The following SNIP1 variants were observed in gnomAD, a reference collection of about 807,000 sequenced individuals.
The protein encoded by SNIP1 is Smad nuclear interacting protein 1.
A neutral mutation model predicts 37.4 loss-of-function variants in SNIP1; 23 were observed. That is an observed-to-expected ratio of 0.61 (90% CI 0.44 to 0.87). The LOEUF (loss-of-function observed/expected upper bound fraction) is 0.87, where lower values mean the gene tolerates loss of function less well. SNIP1 is among the 40% of genes least tolerant of loss of function. SNIP1 has a pLI of 0.00. For missense variants in SNIP1, 459 were observed against 540.4 expected (o/e 0.85, Z 1.49); for synonymous variants, 174 against 200.0 (o/e 0.87, Z 1.10).
chr1:37,539,032 G>T (rs1643135097), intron 3 of SNIP1, among the ~76,000 whole-genome samples: 1 of 152,110 alleles, frequency 6.6e-6, no homozygotes, highest in Admixed American at 6.6e-5. Flanking sequence ...CTCCTTACGA[G>T]AATCTAATGC....
In SNIP1 at chr1:37,540,832, G is replaced by T. The variant is rs1441700157; in HGVS notation, c.328-77C>A. The T allele has an allele frequency of 1.0e-5, 14 of 1,370,206 alleles. No homozygotes were observed. Among genetic ancestry groups the T allele is most frequent in the Non-Finnish European group, 1.4e-5 (14 of 1,017,730 alleles). 84.9% of individuals were successfully genotyped at this position (1,370,206 alleles called of 1,614,324 possible). A position where few individuals can be genotyped will look rare whatever the true frequency, so the allele number is the denominator to read the frequency against. On this transcript the variant is annotated intron_variant, in intron 2 of 3. Transcript: ENST00000296215. The surrounding 1 kb of genome is among the most constrained non-coding windows in gnomAD (Gnocchi z 5.6). ...AGCCCAAATCTTGTTCTTTTTGAAC[G>T]AAGTGCATGCAAAAAGTCTTGTAAT... is the stretch of plus-strand genomic sequence containing the variant.
rs1289459568 is a variant in SNIP1 at position 37,536,207 on chromosome 1, C to G, written c.*1541G>C. The G allele has an allele frequency of 6.6e-6, 1 of 152,214 alleles. No individual in the cohort carries two copies. The highest frequency in any genetic ancestry group is 6.5e-5 in the Admixed American group (1 of 15,280). The allele number at this position is 152,214 out of a possible 1,614,324, so 9.4% of individuals were successfully genotyped here. A position where few individuals can be genotyped will look rare whatever the true frequency, so the allele number is the denominator to read the frequency against. ...CTGAATGAACATTAGTCAGCTGCCC[C>G]TCCCACTAGCCAATCTTTAGCCCTG... On this transcript the variant is annotated 3_prime_UTR_variant, in exon 4 of 4. Coordinates refer to ENST00000296215, the MANE Select transcript of SNIP1 (RefSeq NM_024700.4).
At position 37,554,154 on chromosome 1, in the gene SNIP1, C is replaced by T; in HGVS notation, c.76G>A (p.Gly26Arg). ...HRDGDVVLPA[G>R]VVVKQERLSP... ...AGACGCTCCTGCTTCACCACCACCC[C>T]CGCCGGCAGCACCACGTCCCCGTCC... The change falls in exon 1 of 4, where the codon GGG (glycine) becomes AGG (arginine). Residue 26 changes from glycine (G) to arginine (R), a missense_variant. Physicochemically the swap from Gly to Arg is moderately radical, Grantham distance 125. Coordinates refer to ENST00000296215, the MANE Select transcript of SNIP1 (RefSeq NM_024700.4). 1 of 1,612,830 alleles carries T rather than the reference C, an allele frequency of 6.2e-7. No individual in the cohort carries two copies. The highest frequency in any genetic ancestry group is 1.1e-5 in the South Asian group (1 of 90,996).
At chr1:37,543,627 G>A (rs758073038) in intron 2 of SNIP1, among the ~76,000 whole-genome samples, 9 of 151,922 alleles carry the variant, frequency 5.9e-5, no homozygotes, top group Non-Finnish European at 1.2e-4. Context: ...GCTACTTGGA[G>A]AGATGTTCCC....
rs568958461 is a variant in SNIP1, at chr1:37,538,868, C to T, written c.927-856G>A. ...GGTGAGCAGCGGGCAAGCAGGCAAG[C>T]GAGCCAAACTTCATCTATATTTTCA... On this transcript the variant is annotated intron_variant, in intron 3 of 3. Transcript: ENST00000296215. 4.6e-4 allele frequency among the ~76,000 whole-genome samples: 70 copies of T among 152,188 alleles called. 1 individual carries two copies. Among genetic ancestry groups the T allele is most frequent in the Middle Eastern group, 3.4e-3 (1 of 294 alleles).
rs751582496 is a variant in SNIP1, at chr1:37,540,220, C to T, written c.863G>A (p.Arg288His). The change falls in exon 3 of 4, where the codon CGC (arginine) becomes CAC (histidine). Residue 288 changes from arginine to histidine, a missense_variant. Coordinates refer to ENST00000296215, the MANE Select transcript of SNIP1 (RefSeq NM_024700.4). This position sits in a 1 kb window ranked among gnomAD's most constrained non-coding sequence, Gnocchi z 5.6. ...GTGATCAATTGGAATGTCTGCAATG[C>T]GGCGGTGTCGACCCAGTAGGTACGC... ...QSAYLLGRHR[R>H]IADIPIDHPS... 3.1e-6 allele frequency: 5 copies of T among 1,611,248 alleles called. No individual in the cohort carries two copies. The highest frequency in any genetic ancestry group is 4.2e-6 in the Non-Finnish European group (5 of 1,177,606).
chr1:37,551,860 C>T (rs1477278481), intron 2 of SNIP1, among the ~76,000 whole-genome samples: 1 of 152,190 alleles, frequency 6.6e-6, no homozygotes, highest in African/African-American at 2.4e-5. Context: ...AACTACCGTA[C>T]AATCCAGCAA....
rs1434244724 is a variant in SNIP1 at position 37,535,752 on chromosome 1, T to C, written c.*1996A>G. ...GCACATATATATGATCTATGGCACA[T>C]ACCAAAATGAAGAAAATAGCAGTTA... On this transcript the variant is annotated 3_prime_UTR_variant, in exon 4 of 4. Transcript: ENST00000296215. 1.3e-5 allele frequency: 2 copies of C among 151,284 alleles called. No individual in the cohort carries two copies. The highest frequency in any genetic ancestry group is 4.9e-5 in the African/African-American group (2 of 41,216). 9.4% of individuals were successfully genotyped at this position (151,284 alleles called of 1,614,324 possible). A position where few individuals can be genotyped will look rare whatever the true frequency, so the allele number is the denominator to read the frequency against.
At chr1:37,550,745 A>G (rs1365656942) in intron 2 of SNIP1, among the ~76,000 whole-genome samples, 1 of 151,964 alleles carries the variant, frequency 6.6e-6, no homozygotes, top group African/African-American at 2.4e-5. Context: ...TAAACAGGCA[A>G]AAGACATGAG....
At chr1:37,545,387 T>C (rs919895051) in intron 2 of SNIP1, 5 of 462,642 alleles carry the variant, frequency 1.1e-5, no homozygotes, top group African/African-American at 6.1e-5. Context: ...CTTTACCTTT[T>C]CTATAAGTTG....
chr1:37,552,370 G>A, intron 2 of SNIP1: 1 of 393,592 alleles, frequency 2.5e-6, no homozygotes, highest in Non-Finnish European at 4.7e-6. Context: ...TGTTACCACT[G>A]GGAGAAACCA....
rs564506200 is a variant in SNIP1, at chr1:37,552,538, G to A, written c.327+107C>T. 21 of 883,846 alleles carry A rather than the reference G, an allele frequency of 2.4e-5. No homozygotes were observed. The East Asian group carries it at 3.0e-4, about 13-fold the overall frequency. The allele number at this position is 883,846 out of a possible 1,614,324, so 54.8% of individuals were successfully genotyped here. ...GGTACAAGTAGAGATGTAGGCGAGCGTACGTGCACATGTGTGCACACACAC... is the reference window on the plus strand; with the variant it reads ...GGTACAAGTAGAGATGTAGGCGAGCATACGTGCACATGTGTGCACACACAC... On this transcript the variant is annotated intron_variant, in intron 2 of 3. Transcript: ENST00000296215.
intron 2 of SNIP1, among the ~76,000 whole-genome samples, chr1:37,549,670 C>G (rs893908067): frequency 4.6e-5 from 7 of 152,144 alleles, no homozygotes; most frequent in Non-Finnish European, 8.8e-5. Context: ...CCTCAGCCTC[C>G]CAAAGTGTTG....
chr1:37,544,842 C>T (rs1570023571), intron 2 of SNIP1: 1 of 789,470 alleles, frequency 1.3e-6, no homozygotes, highest in East Asian at 2.4e-5. Flanking sequence ...CTCTATGCCT[C>T]CTACATCTAC....
chr1:37,548,392 T>C (rs1374474643), intron 2 of SNIP1, among the ~76,000 whole-genome samples: 1 of 151,680 alleles, frequency 6.6e-6, no homozygotes, highest in Non-Finnish European at 1.5e-5. Context: ...CTTGGCTCAC[T>C]GTAATCCCCG....
chr1:37,544,125 CAA>C (rs1248789649), intron 2 of SNIP1, among the ~76,000 whole-genome samples: 1 of 144,000 alleles, frequency 6.9e-6, no homozygotes. Flanking sequence ...GCCTGAACGA[CAA>C]AGAGAGACTC....
In SNIP1 at chr1:37,540,867, G is replaced by A; in HGVS notation, c.328-112C>T. ...CAAAAAGTCTTGTAATTTGGACTTT[G>A]GCATTTAGAACAACATTTCCCACAG... is the stretch of plus-strand genomic sequence containing the variant. On this transcript the variant is annotated intron_variant, in intron 2 of 3. Transcript: ENST00000296215. The surrounding 1 kb of genome is among the most constrained non-coding windows in gnomAD (Gnocchi z 5.6). 1 of 1,022,540 alleles carries A rather than the reference G, an allele frequency of 9.8e-7. No homozygotes were observed. Among genetic ancestry groups the A allele is most frequent in the Non-Finnish European group, 1.4e-6 (1 of 709,462 alleles). The allele number at this position is 1,022,540 out of a possible 1,614,324, so 63.3% of individuals were successfully genotyped here.
chr1:37,550,179 G>T (rs910050085), intron 2 of SNIP1, among the ~76,000 whole-genome samples: 28 of 152,256 alleles, frequency 1.8e-4, no homozygotes, highest in African/African-American at 6.7e-4. Context: ...TAGGCAAAAA[G>T]TTCTTAGCCA....
chr1:37,547,579 C>T (rs1643255492), intron 2 of SNIP1, among the ~76,000 whole-genome samples: 1 of 150,758 alleles, frequency 6.6e-6, no homozygotes, highest in Admixed American at 6.6e-5. Context: ...ACTAAAAATA[C>T]AAAAATTAGC....
Sources: allele counts gnomAD v4.1 joint callset (sites outside exome capture counted in the v4.1 genomes callset), GRCh38; gene constraint gnomAD v4.1.1; non-coding constraint Gnocchi (gnomAD v3.1); transcripts MANE v1.5; gene names NCBI Gene and HGNC (gene_info 2026-07-23, HGNC 2026-07-21).